Variants in SPACA7 observed in about 807,000 individuals in gnomAD.
SPACA7 encodes the protein sperm acrosome associated 7, also known as sperm acrosome-associated protein 7.
Under a neutral mutation model 26.3 loss-of-function variants are expected in SPACA7, and 19 were observed. The ratio of observed to expected loss-of-function variants is 0.72; its 90% CI spans 0.50 to 1.06. The LOEUF (loss-of-function observed/expected upper bound fraction) is 1.06. SPACA7 is among the 50% of genes least tolerant of loss of function. SPACA7 has a pLI of 0.00. For missense variants in SPACA7, 211 were observed against 229.9 expected (o/e 0.92, Z 0.53); for synonymous variants, 84 against 84.5 (o/e 0.99, Z 0.04).
intron 1 of SPACA7, among the ~76,000 whole-genome samples, chr13:112,381,474 C>T (rs1266003203): frequency 7.3e-6 from 1 of 136,576 alleles, no homozygotes; most frequent in Non-Finnish European, 1.5e-5. Context: ...GCCTGGCTGA[C>T]AGAATGAGAC....
chr13:112,394,786 C>T (rs1885127495), intron 2 of SPACA7, among the ~76,000 whole-genome samples: 2 of 152,306 alleles, frequency 1.3e-5, no homozygotes, highest in Non-Finnish European at 2.9e-5. Flanking sequence ...GCACCTGCTC[C>T]AGCCAGTGTC....
At chr13:112,412,089 C>G (rs890640180) in intron 5 of SPACA7, among the ~76,000 whole-genome samples, 20 of 152,100 alleles carry the variant, frequency 1.3e-4, no homozygotes, top group African/African-American at 4.6e-4. Context: ...AGGATTCCCC[C>G]TTTTTCCCCA....
At chr13:112,379,909 G>C (rs1883935998) in intron 1 of SPACA7, among the ~76,000 whole-genome samples, 1 of 152,176 alleles carries the variant, frequency 6.6e-6, no homozygotes, top group African/African-American at 2.4e-5. Flanking sequence ...TTAAATGACA[G>C]TAAAGAATTT....
chr13:112,404,978 C>CT (rs373253878), intron 5 of SPACA7, among the ~76,000 whole-genome samples: 9,890 of 93,998 alleles, frequency 0.11, 737 homozygotes, highest in East Asian at 0.28. Context: ...GTATTCTCTT[C>CT]TTTTTTTTTT....
chr13:112,377,978 C>T (rs997035097), intron 1 of SPACA7, among the ~76,000 whole-genome samples: 16 of 152,110 alleles, frequency 1.1e-4, no homozygotes, highest in African/African-American at 2.9e-4. Flanking sequence ...TATCTTCAGC[C>T]GATGGGGCAA....
chr13:112,427,461 G>T (rs1034232754), intron 5 of SPACA7, among the ~76,000 whole-genome samples: 1 of 152,166 alleles, frequency 6.6e-6, no homozygotes, highest in Non-Finnish European at 1.5e-5. Context: ...ATTTAATTCA[G>T]AATTTTTGCA....
At chr13:112,420,228 C>T (rs1886932031) in intron 5 of SPACA7, among the ~76,000 whole-genome samples, 1 of 152,152 alleles carries the variant, frequency 6.6e-6, no homozygotes, top group South Asian at 2.1e-4. Flanking sequence ...GAAAAATACC[C>T]ATTATAAAGT....
chr13:112,393,521 T>C lies in SPACA7; in HGVS notation c.151+444T>C, dbSNP rs371448782. 6.8e-4 allele frequency among the ~76,000 whole-genome samples: 102 copies of C among 150,628 alleles called. No homozygotes were observed. The East Asian group carries it at 0.02, about 29-fold the overall frequency. On this transcript the variant is annotated intron_variant, in intron 2 of 6. Coordinates refer to ENST00000283550, the MANE Select transcript of SPACA7 (RefSeq NM_145248.5). ...CACCGCCTCAGCCCTGCCAGCCCCC[T>C]GGAAAGATGGTGGAAACTACAGACC...
chr13:112,433,689 C>G (rs1252269038), intron 6 of SPACA7, among the ~76,000 whole-genome samples: 1 of 151,542 alleles, frequency 6.6e-6, no homozygotes, highest in East Asian at 1.9e-4. Context: ...TGAAGTGGGG[C>G]CCCCAGCCCC....
At chr13:112,407,291 C>T (rs1594291341) in intron 5 of SPACA7, among the ~76,000 whole-genome samples, 1 of 152,172 alleles carries the variant, frequency 6.6e-6, no homozygotes, top group East Asian at 1.9e-4. Flanking sequence ...GACACCCTAA[C>T]ATCACAATGA....
chr13:112,411,115 T>TTGTGTTAC (rs1386822011), intron 5 of SPACA7, among the ~76,000 whole-genome samples: 1 of 116,908 alleles, frequency 8.6e-6, no homozygotes, highest in Non-Finnish European at 1.8e-5. Context: ...ATTATGTAGA[T>TTGTGTTAC]TGTGTTACAT....
intron 6 of SPACA7, among the ~76,000 whole-genome samples, chr13:112,433,142 G>A (rs907296109): frequency 1.3e-5 from 2 of 151,012 alleles, no homozygotes; most frequent in African/African-American, 4.9e-5. Context: ...TGGCAGCCCA[G>A]TGTGCCCAGC....
intron 5 of SPACA7, among the ~76,000 whole-genome samples, chr13:112,426,437 T>A (rs1270443788): frequency 6.6e-6 from 1 of 152,232 alleles, no homozygotes; most frequent in Admixed American, 6.5e-5. Context: ...TATTAATGTC[T>A]ACAAAAAATT....
chr13:112,387,028 G>C (rs1482891275), intron 1 of SPACA7, among the ~76,000 whole-genome samples: 2 of 152,152 alleles, frequency 1.3e-5, no homozygotes, highest in East Asian at 3.9e-4. Context: ...AAATCAGAAA[G>C]GAATCATTAC....
intron 5 of SPACA7, among the ~76,000 whole-genome samples, chr13:112,428,811 G>A (rs1276458402): frequency 6.6e-6 from 1 of 152,102 alleles, no homozygotes; most frequent in East Asian, 1.9e-4. Flanking sequence ...AAAAGTATGT[G>A]TATTATACTG....
intron 2 of SPACA7, among the ~76,000 whole-genome samples, chr13:112,394,840 G>A (rs1276823467): frequency 1.3e-5 from 2 of 152,216 alleles, no homozygotes; most frequent in Non-Finnish European, 2.9e-5. Flanking sequence ...AAGGATTCTG[G>A]AAGAGGAAAG....
At chr13:112,425,628 AAGACAGAGAG>A (rs1876466933) in intron 5 of SPACA7, among the ~76,000 whole-genome samples, 2 of 144,914 alleles carry the variant, frequency 1.4e-5, no homozygotes, top group Admixed American at 6.9e-5. Flanking sequence ...AGAGAGAGAG[AAGACAGAGAG>A]AGACAGAGAG....
At chr13:112,384,736 T>A (rs1049532140) in intron 1 of SPACA7, among the ~76,000 whole-genome samples, 3 of 152,150 alleles carry the variant, frequency 2.0e-5, no homozygotes, top group African/African-American at 7.2e-5. Flanking sequence ...CAAGACCCAA[T>A]AAAGACAGCA....
At chr13:112,416,555 G>A (rs945379065) in intron 5 of SPACA7, among the ~76,000 whole-genome samples, 3 of 152,144 alleles carry the variant, frequency 2.0e-5, no homozygotes, top group African/African-American at 7.2e-5. Flanking sequence ...TCAAAGTGCT[G>A]GGATTACAGG....
Sources: gnomAD v4.1 joint callset for allele counts (sites outside exome capture counted in the v4.1 genomes callset) on GRCh38, gnomAD v4.1.1 for gene constraint, MANE v1.5 for transcripts, NCBI Gene and HGNC (gene_info 2026-07-23, HGNC 2026-07-21) for gene names.